CEP89: variants seen among roughly 807,000 people sequenced by gnomAD.
CEP89 encodes centrosomal protein 89.
A neutral mutation model predicts 97.6 loss-of-function variants in CEP89; 95 were observed. The observed-to-expected ratio is 0.97, with a 90% CI of 0.82 to 1.15. The LOEUF is 1.15. CEP89 is among the 50% of genes most tolerant of loss of function. CEP89 has a pLI of 0.00. For synonymous variants in CEP89, 354 were observed against 349.1 expected (o/e 1.01, Z -0.16); for missense variants, 869 against 947.7 (o/e 0.92, Z 1.09).
At chr19:32,920,508 T>C (rs187213524) in intron 12 of CEP89, among the ~76,000 whole-genome samples, 1 of 151,880 alleles carries the variant, frequency 6.6e-6, no homozygotes, top group Non-Finnish European at 1.5e-5. Context: ...ATTTGAGACA[T>C]GGTCTCGCTC....
At chr19:32,962,499 G>A (rs764704462) in intron 2 of CEP89, among the ~76,000 whole-genome samples, 3 of 152,222 alleles carry the variant, frequency 2.0e-5, no homozygotes, top group Non-Finnish European at 2.9e-5. Context: ...CTGTAAAGCC[G>A]AAAACCATAA....
rs112600495 is a variant in CEP89, at chr19:32,878,055, C to T, written c.*1107G>A. 12,345 of 152,206 alleles carry T rather than the reference C, an allele frequency of 0.081. 1,568 individuals carry two copies. The highest frequency in any genetic ancestry group is 0.27 in the African/African-American group (11,166 of 41,460). 9.4% of individuals were successfully genotyped at this position (152,206 alleles called of 1,614,324 possible). A position where few individuals can be genotyped will look rare whatever the true frequency, so the allele number is the denominator to read the frequency against. ...TCGACCTCCCAAAGTGCTGGGATTA[C>T]AGGAGTGAGCCACCATGGCTGGCCT... is the stretch of plus-strand genomic sequence containing the variant. On this transcript the variant is annotated 3_prime_UTR_variant, in exon 19 of 19. Coordinates refer to ENST00000305768, the MANE Select transcript of CEP89 (RefSeq NM_032816.5).
intron 13 of CEP89, among the ~76,000 whole-genome samples, chr19:32,916,813 C>T (rs1232722823): frequency 6.6e-6 from 1 of 152,058 alleles, no homozygotes; most frequent in African/African-American, 2.4e-5. Context: ...GAGTTCAAGA[C>T]CAGCCTGGCC....
At chr19:32,965,893 C>T (rs1232247835) in intron 2 of CEP89, 1 of 151,012 alleles carries the variant, frequency 6.6e-6, no homozygotes, top group Non-Finnish European at 1.5e-5. Flanking sequence ...TGGCATGTGC[C>T]TGTAATCCCA....
At chr19:32,942,018 T>C (rs1599761662) in intron 5 of CEP89, among the ~76,000 whole-genome samples, 1 of 152,354 alleles carries the variant, frequency 6.6e-6, no homozygotes, top group Non-Finnish European at 1.5e-5. Flanking sequence ...TGGAGTCTTC[T>C]ATGTCCCCCT....
At chr19:32,954,821 C>T (rs566014934) in intron 3 of CEP89, among the ~76,000 whole-genome samples, 1 of 124,264 alleles carries the variant, frequency 8.0e-6, no homozygotes, top group South Asian at 2.6e-4. Context: ...CTCGCCACCA[C>T]ACCTGGCTAA....
intron 12 of CEP89, among the ~76,000 whole-genome samples, chr19:32,919,662 T>C (rs527490151): frequency 2.0e-5 from 3 of 152,212 alleles, no homozygotes; most frequent in Admixed American, 6.5e-5. Context: ...GTCTGTTTTA[T>C]GTTTTAGACT....
At chr19:32,933,872 C>T (rs1045950818) in intron 7 of CEP89, among the ~76,000 whole-genome samples, 2 of 152,044 alleles carry the variant, frequency 1.3e-5, no homozygotes, top group East Asian at 1.9e-4. Flanking sequence ...TGAGGGGAGG[C>T]CAGAAAGGGA....
At position 32,931,200 on chromosome 19, in the gene CEP89, T is replaced by C. The variant is rs1214713046; in HGVS notation, c.1029+229A>G. 8 of 458,952 alleles carry C rather than the reference T, an allele frequency of 1.7e-5. No homozygotes were observed. The South Asian group carries it at 3.5e-4, about 20-fold the overall frequency. 28.4% of individuals were successfully genotyped at this position (458,952 alleles called of 1,614,324 possible). On this transcript the variant is annotated intron_variant, in intron 9 of 18. Transcript: ENST00000305768. ...CCACCTCATCCGGCCTCTTTTACTT[T>C]GTACACTTCTGTATTGTCCCAATGT...
chr19:32,944,724 C>G lies in CEP89; in HGVS notation c.595+3542G>C, dbSNP rs1003722040. Among the ~76,000 whole-genome samples the G allele has an allele frequency of 3.9e-5, 6 of 152,304 alleles. No homozygotes were observed. The East Asian group carries it at 7.7e-4, about 20-fold the overall frequency. ...CAGAGAATCTAGGAAAGGGGAACAG[C>G]GTCCACGAGCATGAATTTGGCAGCT... On this transcript the variant is annotated intron_variant, in intron 5 of 18. Transcript: ENST00000305768.
intron 14 of CEP89, among the ~76,000 whole-genome samples, chr19:32,914,902 A>C (rs541070172): frequency 6.6e-6 from 1 of 152,028 alleles, no homozygotes; most frequent in Non-Finnish European, 1.5e-5. Flanking sequence ...CGCCCCTGTA[A>C]TCCCAGATAC....
At position 32,949,962 on chromosome 19, in the gene CEP89, C is replaced by T. The variant is rs528582305; in HGVS notation, c.493-1594G>A. ...CCAAGATGACCTGGCTCAAGAGAAG[C>T]AAACAGGTCTCCCAAGATACTCATC... On this transcript the variant is annotated intron_variant, in intron 4 of 18. Coordinates refer to ENST00000305768, the MANE Select transcript of CEP89 (RefSeq NM_032816.5). 2.0e-5 allele frequency among the ~76,000 whole-genome samples: 3 copies of T among 151,768 alleles called. No individual in the cohort carries two copies. In the South Asian group the frequency reaches 6.3e-4, roughly 32 times the overall value.
In CEP89 at chr19:32,915,451, G is replaced by C; in HGVS notation, c.1451C>G (p.Ala484Gly). 1 of 1,613,624 alleles carries C rather than the reference G, an allele frequency of 6.2e-7. No individual in the cohort carries two copies. Among genetic ancestry groups the C allele is most frequent in the Non-Finnish European group, 8.5e-7 (1 of 1,179,900 alleles). ...AATCTCCAGCTGTTCCCTGTTCTCC[G>C]CCAGCTCCTTTTCCTGGCCGTGGGT... ...AKTHGQEKEL[A>G]ENREQLEILR... The change falls in exon 14 of 19, where the codon GCG becomes GGG. Residue 484 changes from alanine (A) to glycine (G), a missense_variant. Transcript: ENST00000305768.
In CEP89 at chr19:32,933,655, C is replaced by A; in HGVS notation, c.682G>T (p.Ala228Ser). 1.9e-6 allele frequency: 3 copies of A among 1,607,576 alleles called. No individual in the cohort carries two copies. The highest frequency in any genetic ancestry group is 2.6e-6 in the Non-Finnish European group (3 of 1,174,588). ...GTTATTTCTGTATATCTTTGACGTG[C>A]TCTACCAGTTATATCTGAAAGGGTT... is the stretch of plus-strand genomic sequence containing the variant. ...PPPSPDITGR[A>S]RQRYTEITRE... The change falls in exon 8 of 19, where the codon GCA (alanine) becomes TCA (serine). Residue 228 changes from alanine to serine, a missense_variant. Coordinates refer to ENST00000305768, the MANE Select transcript of CEP89 (RefSeq NM_032816.5).
chr19:32,914,901 A>G (rs1437654117), intron 14 of CEP89, among the ~76,000 whole-genome samples: 1 of 151,958 alleles, frequency 6.6e-6, no homozygotes, highest in Non-Finnish European at 1.5e-5. Flanking sequence ...CCGCCCCTGT[A>G]ATCCCAGATA....
At chr19:32,905,864 G>T (rs1039061552) in intron 14 of CEP89, among the ~76,000 whole-genome samples, 1 of 152,064 alleles carries the variant, frequency 6.6e-6, no homozygotes, top group Non-Finnish European at 1.5e-5. Flanking sequence ...GATTACAGAC[G>T]GTAAGCCATC....
At chr19:32,886,517 A>G (rs1451896909) in intron 17 of CEP89, among the ~76,000 whole-genome samples, 1 of 152,174 alleles carries the variant, frequency 6.6e-6, no homozygotes, top group Non-Finnish European at 1.5e-5. Flanking sequence ...GATATTTTGC[A>G]GGGATTTCCT....
At chr19:32,939,806 A>AT in intron 6 of CEP89, 51 bp downstream of exon 6, 1 of 856,072 alleles carries the variant, frequency 1.2e-6, no homozygotes, top group Non-Finnish European at 1.8e-6. Flanking sequence ...AAAAATTATG[A>AT]TAAAAACTCT....
At chr19:32,923,641 G>A (rs1016824654) in intron 11 of CEP89, 99 bp from the exon 12 acceptor site, 3 of 785,182 alleles carry the variant, frequency 3.8e-6, no homozygotes, top group Non-Finnish European at 6.5e-6. Context: ...AATGGTAACA[G>A]CCATTTAGCA....
Sources: gnomAD v4.1 joint callset for allele counts (sites outside exome capture counted in the v4.1 genomes callset) on GRCh38, gnomAD v4.1.1 for gene constraint, MANE v1.5 for transcripts, NCBI Gene and HGNC (gene_info 2026-07-23, HGNC 2026-07-21) for gene names.